RLF: variants seen among roughly 807,000 people sequenced by gnomAD.
The protein encoded by RLF is RLF zinc finger.
A neutral mutation model predicts 162.9 loss-of-function variants in RLF; 7 were observed. That is an observed-to-expected ratio of 0.04 (90% confidence interval 0.02 to 0.08). The LOEUF is 0.08. Ranked by LOEUF, RLF falls within the 10% of genes least tolerant of loss-of-function variation. The probability of loss-of-function intolerance (pLI) is 1.00; values close to 1 mark genes in which losing one functional copy is unlikely to be tolerated. For synonymous variants in RLF, 782 were observed against 791.5 expected (o/e 0.99, Z 0.20); for missense variants, 1,664 against 2,244.7 (o/e 0.74, Z 5.23).
chr1:40,195,047 C>T (rs1205578748), intron 3 of RLF, among the ~76,000 whole-genome samples: 2 of 151,704 alleles, frequency 1.3e-5, no homozygotes, highest in Non-Finnish European at 2.9e-5. Flanking sequence ...TTTGGCCACG[C>T]TGGTCTTGAA....
chr1:40,200,426 A>G (rs1642696123), intron 4 of RLF, among the ~76,000 whole-genome samples: 1 of 152,158 alleles, frequency 6.6e-6, no homozygotes, highest in African/African-American at 2.4e-5. Context: ...AGCATTATTG[A>G]TGATTGACAG....
chr1:40,228,483 T>G (rs1047018180), intron 6 of RLF, among the ~76,000 whole-genome samples: 10 of 151,194 alleles, frequency 6.6e-5, no homozygotes, highest in Admixed American at 6.6e-5. Context: ...CGAGGGAGGC[T>G]GAGGCAGGAG....
At chr1:40,229,949 T>C (rs538285943) in intron 6 of RLF, among the ~76,000 whole-genome samples, 1 of 151,806 alleles carries the variant, frequency 6.6e-6, no homozygotes, top group East Asian at 2.0e-4. Flanking sequence ...ACCCCATCTC[T>C]ACTAAAAATA....
intron 1 of RLF, among the ~76,000 whole-genome samples, chr1:40,168,651 T>C (rs1356999971): frequency 6.6e-6 from 1 of 152,204 alleles, no homozygotes; most frequent in Non-Finnish European, 1.5e-5. Flanking sequence ...ACCTCATTTT[T>C]ATTACATAGT....
intron 5 of RLF, among the ~76,000 whole-genome samples, chr1:40,211,048 CT>C (rs1642858446): frequency 1.3e-5 from 2 of 152,196 alleles, no homozygotes; most frequent in African/African-American, 2.4e-5. Context: ...GGCACAAAGT[CT>C]TACATTCATT....
chr1:40,186,347 C>T (rs566985333), intron 1 of RLF, among the ~76,000 whole-genome samples: 38 of 152,150 alleles, frequency 2.5e-4, no homozygotes, highest in African/African-American at 8.7e-4. Context: ...CCAGAGTATG[C>T]TTATAGTGGG....
intron 1 of RLF, among the ~76,000 whole-genome samples, chr1:40,171,971 A>C (rs1642251581): frequency 6.6e-6 from 1 of 152,170 alleles, no homozygotes; most frequent in Non-Finnish European, 1.5e-5. Flanking sequence ...TATATGTACT[A>C]TTTTTAGAAA....
At chr1:40,195,999 T>C (rs575228454) in intron 4 of RLF, among the ~76,000 whole-genome samples, 19 of 152,352 alleles carry the variant, frequency 1.2e-4, no homozygotes, top group Admixed American at 5.9e-4. Context: ...GCAATGTTCA[T>C]ACAAAGTTCC....
At chr1:40,232,929 G>A (rs777572148) in intron 7 of RLF, among the ~76,000 whole-genome samples, 2 of 151,854 alleles carry the variant, frequency 1.3e-5, no homozygotes, top group Admixed American at 6.6e-5. Context: ...GCCCAGACTG[G>A]TTCTGAACTC....
intron 5 of RLF, among the ~76,000 whole-genome samples, chr1:40,222,316 A>G (rs529868352): frequency 1.3e-5 from 2 of 152,312 alleles, no homozygotes; most frequent in South Asian, 4.1e-4. Flanking sequence ...ACTCATCTAT[A>G]TGGTAGCAAT....
chr1:40,215,635 C>T (rs1364616685), intron 5 of RLF, among the ~76,000 whole-genome samples: 1 of 151,996 alleles, frequency 6.6e-6, no homozygotes, highest in African/African-American at 2.4e-5. Context: ...GACTGGAGTG[C>T]AGTGGCAGAA....
chr1:40,203,838 C>CAAGTAAAATACAAATTT (rs1403020298), intron 5 of RLF, among the ~76,000 whole-genome samples: 3 of 152,030 alleles, frequency 2.0e-5, no homozygotes, highest in African/African-American at 7.2e-5. Context: ...TAATATCTTA[C>CAAGTAAAATACAAATTT]TCTCCAAATA....
At chr1:40,163,565 AAAG>A (rs1397288606) in intron 1 of RLF, among the ~76,000 whole-genome samples, 9 of 152,198 alleles carry the variant, frequency 5.9e-5, no homozygotes, top group Middle Eastern at 3.2e-3. Context: ...AGAATTTTTA[AAAG>A]AAAGCATGTG....
At chr1:40,228,802 A>G (rs1643114384) in intron 6 of RLF, among the ~76,000 whole-genome samples, 1 of 151,850 alleles carries the variant, frequency 6.6e-6, no homozygotes, top group African/African-American at 2.4e-5. Flanking sequence ...AGTGAATTTT[A>G]TTTTATTTGA....
At chr1:40,224,963 G>A (rs1427707888) in intron 6 of RLF, among the ~76,000 whole-genome samples, 1 of 151,778 alleles carries the variant, frequency 6.6e-6, no homozygotes, top group East Asian at 2.0e-4. Context: ...GGAGACAAGA[G>A]TGACTCCGTC....
chr1:40,188,683 T>C (rs1417764951), intron 1 of RLF, among the ~76,000 whole-genome samples: 1 of 152,170 alleles, frequency 6.6e-6, no homozygotes. Flanking sequence ...AATTCATCTC[T>C]TGTTGTAGAA....
At position 40,232,219 on chromosome 1, in the gene RLF, A is replaced by T. The variant is rs1279022226; in HGVS notation, c.1089+561A>T. 9.9e-5 allele frequency among the ~76,000 whole-genome samples: 15 copies of T among 151,608 alleles called. 1 individual carries two copies. The highest frequency in any genetic ancestry group is 3.9e-4 in the East Asian group (2 of 5,176). On this transcript the variant is annotated intron_variant, in intron 7 of 7. Coordinates refer to ENST00000372771, the MANE Select transcript of RLF (RefSeq NM_012421.4). ...TGAGACTTGGTCTTTTTTTTTTTAA[A>T]AAAAAAAAAAAGAACATTTCAAGGT...
rs373301468 is a variant in RLF at position 40,240,142 on chromosome 1, G to T, written c.5440G>T (p.Ala1814Ser). The T allele has an allele frequency of 6.2e-7, 1 of 1,614,164 alleles. No homozygotes were observed. The highest frequency in any genetic ancestry group is 1.3e-5 in the African/African-American group (1 of 75,044). The change falls in exon 8 of 8, where the codon GCA (alanine) becomes TCA (serine). Residue 1814 changes from alanine (A) to serine (S), a missense_variant. Physicochemically the swap from Ala to Ser is moderately conservative, Grantham distance 99. Transcript: ENST00000372771. The part of the protein sequence containing the change: ...SSNDLTGNVV[A>S]NNMVNDSEPE... The stretch of plus-strand genomic sequence containing the variant: ...TAATGATTTAACAGGGAATGTTGTG[G>T]CAAATAATATGGTGAATGACAGTGA...
intron 1 of RLF, chr1:40,177,886 GAGA>G (rs1476992102): frequency 6.6e-6 from 1 of 152,094 alleles, no homozygotes; most frequent in Non-Finnish European, 1.5e-5. Context: ...GAACAATATG[GAGA>G]AGATTAGCCT....
Sources: gnomAD v4.1 joint callset for allele counts (sites outside exome capture counted in the v4.1 genomes callset) on GRCh38, gnomAD v4.1.1 for gene constraint, MANE v1.5 for transcripts, NCBI Gene and HGNC (gene_info 2026-07-23, HGNC 2026-07-21) for gene names.